The following KLF12 variants were observed in gnomAD, a reference collection of about 807,000 sequenced individuals.
KLF12 encodes the protein KLF transcription factor 12, also known as Krueppel-like factor 12.
A neutral mutation model predicts 37.8 loss-of-function variants in KLF12; 9 were observed. That is an observed-to-expected ratio of 0.24 (90% confidence interval 0.14 to 0.42). The LOEUF (loss-of-function observed/expected upper bound fraction) is 0.42. KLF12 is among the 10% of genes least tolerant of loss of function. The probability of loss-of-function intolerance (pLI) is 1.00; values close to 1 mark genes in which losing one functional copy is unlikely to be tolerated. For missense variants in KLF12, 411 were observed against 516.0 expected (o/e 0.80, Z 1.97); for synonymous variants, 208 against 202.1 (o/e 1.03, Z -0.25).
At position 73,880,850 on chromosome 13, in the gene KLF12, C is replaced by T. The variant is rs1299938433; in HGVS notation, c.124-34477G>A. 7.2e-5 allele frequency among the ~76,000 whole-genome samples: 11 copies of T among 152,146 alleles called. No homozygotes were observed. In the East Asian group the frequency reaches 1.9e-3, roughly 27 times the overall value. On this transcript the variant is annotated intron_variant, in intron 3 of 7. Transcript: ENST00000377669. Reference sequence around the variant, plus strand: ...TATTAAATGGAAAGTTATACTTTGACCTGCTTAAAGAAAAAAACTATCAAA... The same window carrying T: ...TATTAAATGGAAAGTTATACTTTGATCTGCTTAAAGAAAAAAACTATCAAA...
At chr13:73,805,631 A>C (rs1234548625) in intron 5 of KLF12, among the ~76,000 whole-genome samples, 6 of 21,936 alleles carry the variant, frequency 2.7e-4, no homozygotes, top group African/African-American at 1.7e-3. Flanking sequence ...GGAGGGAGGG[A>C]GGGAGGGAGG....
intron 3 of KLF12, among the ~76,000 whole-genome samples, chr13:73,869,496 A>T (rs1271264941): frequency 1.3e-5 from 2 of 152,114 alleles, no homozygotes; most frequent in African/African-American, 4.8e-5. Flanking sequence ...ATAGCAATAT[A>T]TATTTTTCAG....
the KLF12 span, among the ~76,000 whole-genome samples, chr13:74,294,068 A>G: frequency 6.6e-6 from 1 of 152,202 alleles, no homozygotes; most frequent in African/African-American, 2.4e-5. Flanking sequence ...AAAATAATAC[A>G]TATTTTTCCA....
At chr13:74,291,975 A>G in the KLF12 span, among the ~76,000 whole-genome samples, 1 of 152,224 alleles carries the variant, frequency 6.6e-6, no homozygotes, top group African/African-American at 2.4e-5. Context: ...TATAGTTTAA[A>G]TAAATGCTTT....
chr13:73,763,059 T>A (rs1879671192), intron 6 of KLF12, among the ~76,000 whole-genome samples: 1 of 152,220 alleles, frequency 6.6e-6, no homozygotes, highest in South Asian at 2.1e-4. Flanking sequence ...AGCTCAACTC[T>A]GCTTTTCTTA....
chr13:73,936,528 T>G lies in KLF12; in HGVS notation c.123+7453A>C, dbSNP rs1044910609. Among the ~76,000 whole-genome samples the G allele has an allele frequency of 1.0e-3, 159 of 152,270 alleles. 1 individual carries two copies. Among genetic ancestry groups the G allele is most frequent in the African/African-American group, 3.6e-3 (148 of 41,566 alleles). ...GATAAGTACTCACCAAACCCTTTAG[T>G]GGGCCCCTCTGGAGATCTCCAGAGC... On this transcript the variant is annotated intron_variant, in intron 3 of 7. Transcript: ENST00000377669.
chr13:73,995,081 T>C (rs1892070576), intron 1 of KLF12, 28 bp from the exon 2 acceptor site: 1 of 1,489,358 alleles, frequency 6.7e-7, no homozygotes, highest in Admixed American at 1.8e-5. Flanking sequence ...AGACAAATGA[T>C]GAGAGAAAGT....
At chr13:73,792,624 A>G (rs1159035036) in intron 5 of KLF12, among the ~76,000 whole-genome samples, 1 of 152,184 alleles carries the variant, frequency 6.6e-6, no homozygotes, top group Non-Finnish European at 1.5e-5. Context: ...TGCTCAAAAC[A>G]GTCTATATCA....
intron 6 of KLF12, among the ~76,000 whole-genome samples, chr13:73,728,079 T>C (rs557380867): frequency 1.5e-3 from 234 of 152,356 alleles, no homozygotes; most frequent in African/African-American, 5.1e-3. Flanking sequence ...ACCAACATTA[T>C]GTCTTTCAAA....
intron 1 of KLF12, among the ~76,000 whole-genome samples, chr13:74,029,995 A>G (rs780096558): frequency 6.6e-6 from 1 of 152,186 alleles, no homozygotes; most frequent in Non-Finnish European, 1.5e-5. Flanking sequence ...ATTTTCTTAT[A>G]AGTATATGTG....
intron 7 of KLF12, among the ~76,000 whole-genome samples, chr13:73,696,449 A>G (rs145868882): frequency 6.5e-4 from 99 of 152,282 alleles, no homozygotes; most frequent in African/African-American, 2.2e-3. Flanking sequence ...GTGCTGGGAA[A>G]AGATACACTA....
chr13:73,913,686 G>C (rs1433868212), intron 3 of KLF12, among the ~76,000 whole-genome samples: 1 of 151,530 alleles, frequency 6.6e-6, no homozygotes, highest in African/African-American at 2.4e-5. Flanking sequence ...ATTTAAACTT[G>C]GCAAAAAGAC....
At chr13:74,295,557 T>G in the KLF12 span, among the ~76,000 whole-genome samples, 629 of 152,340 alleles carry the variant, frequency 4.1e-3, 5 homozygotes, top group African/African-American at 0.015. Flanking sequence ...TGTGTTGTTA[T>G]GATTTGTGCT....
chr13:73,962,114 C>A, intron 2 of KLF12: 2 of 418,802 alleles, frequency 4.8e-6, no homozygotes, highest in South Asian at 1.8e-5. Flanking sequence ...TGTGGTACAT[C>A]CAGACAATGG....
chr13:73,946,174 T>TGGA (rs1890414150), intron 2 of KLF12, among the ~76,000 whole-genome samples: 1 of 152,134 alleles, frequency 6.6e-6, no homozygotes, highest in South Asian at 2.1e-4. Flanking sequence ...CTTCCTACCC[T>TGGA]GGAGGAGTTC....
At chr13:74,209,188 A>C in the KLF12 span, among the ~76,000 whole-genome samples, 1 of 152,090 alleles carries the variant, frequency 6.6e-6, no homozygotes, top group Non-Finnish European at 1.5e-5. Context: ...TATTCAATAG[A>C]TATTGGATTC....
the KLF12 span, among the ~76,000 whole-genome samples, chr13:74,254,539 T>A: frequency 6.6e-6 from 1 of 152,318 alleles, no homozygotes; most frequent in South Asian, 2.1e-4. Context: ...CACAGAAATA[T>A]AGCAAAGCTG....
chr13:73,730,755 A>G (rs1182428163), intron 6 of KLF12, among the ~76,000 whole-genome samples: 1 of 152,086 alleles, frequency 6.6e-6, no homozygotes, highest in African/African-American at 2.4e-5. Flanking sequence ...TGGAGATAAA[A>G]TAGCTCACAG....
intron 3 of KLF12, among the ~76,000 whole-genome samples, chr13:73,872,999 T>A (rs559766978): frequency 1.3e-5 from 2 of 152,236 alleles, no homozygotes; most frequent in East Asian, 3.9e-4. Flanking sequence ...ATGAGTGAAA[T>A]GAGGCTGGTG....
Sources: allele counts gnomAD v4.1 joint callset (sites outside exome capture counted in the v4.1 genomes callset), GRCh38; gene constraint gnomAD v4.1.1; transcripts MANE v1.5; gene names NCBI Gene and HGNC (gene_info 2026-07-23, HGNC 2026-07-21).